SLC16A4: variants seen among roughly 807,000 people sequenced by gnomAD.
The protein encoded by SLC16A4 is solute carrier family 16 member 4.
SLC16A4 carries 39 observed loss-of-function variants against 47.9 expected under a neutral mutation model. The ratio of observed to expected loss-of-function variants is 0.81; its 90% CI spans 0.63 to 1.06. The LOEUF is 1.06. SLC16A4 is among the 50% of genes least tolerant of loss of function. The probability of loss-of-function intolerance (pLI) is 0.00; values close to 1 mark genes in which losing one functional copy is unlikely to be tolerated. For missense variants in SLC16A4, 524 were observed against 573.8 expected (o/e 0.91, Z 0.89); for synonymous variants, 189 against 199.9 (o/e 0.95, Z 0.46).
chr1:110,367,557 G>A (rs1312872279), intron 8 of SLC16A4, among the ~76,000 whole-genome samples: 1 of 152,084 alleles, frequency 6.6e-6, no homozygotes, highest in Non-Finnish European at 1.5e-5. Context: ...AAAGCCAGGT[G>A]TCATGGCACA....
At chr1:110,379,477 G>T in intron 5 of SLC16A4, 121 bp from the exon 6 acceptor site, 1 of 910,084 alleles carries the variant, frequency 1.1e-6, no homozygotes, top group East Asian at 2.6e-5. Flanking sequence ...ACATTACTTT[G>T]TCTCCGATTT....
intron 1 of SLC16A4, 48 bp from the exon 2 acceptor site, chr1:110,389,403 A>G: frequency 2.8e-6 from 3 of 1,088,270 alleles, no homozygotes; most frequent in Non-Finnish European, 4.2e-6. Flanking sequence ...AAACTAATCT[A>G]AACTTTTAAA....
chr1:110,381,562 C>T (rs927313122), intron 4 of SLC16A4, 90 bp downstream of exon 4: 20 of 1,316,866 alleles, frequency 1.5e-5, no homozygotes, highest in Non-Finnish European at 2.1e-5. Flanking sequence ...CTCAAGCGAT[C>T]CACCCACTTT....
intron 2 of SLC16A4, among the ~76,000 whole-genome samples, chr1:110,385,142 A>G (rs140366454): frequency 1.6e-4 from 24 of 152,204 alleles, no homozygotes; most frequent in African/African-American, 5.5e-4. Flanking sequence ...TTTACTCTCA[A>G]GGTTTTAATT....
intron 2 of SLC16A4, among the ~76,000 whole-genome samples, chr1:110,384,098 A>C (rs1662601610): frequency 6.6e-6 from 1 of 152,208 alleles, no homozygotes; most frequent in Non-Finnish European, 1.5e-5. Flanking sequence ...AACCCAGATT[A>C]GACTGACTCT....
intron 2 of SLC16A4, among the ~76,000 whole-genome samples, chr1:110,385,569 CATTT>C (rs1391586153): frequency 1.3e-5 from 2 of 152,178 alleles, no homozygotes; most frequent in Non-Finnish European, 2.9e-5. Context: ...TCCACCCATT[CATTT>C]GAGTGACAGA....
At chr1:110,376,363 G>A (rs1272754986) in intron 7 of SLC16A4, among the ~76,000 whole-genome samples, 1 of 152,184 alleles carries the variant, frequency 6.6e-6, no homozygotes, top group African/African-American at 2.4e-5. Context: ...GTTCCAGCAT[G>A]TTTAGGTCCT....
Position 110,381,139 on chromosome 1 carries a change from C to T in SLC16A4, c.369G>A (p.Leu123=), listed in dbSNP as rs753372046. The change falls in exon 5 of 9, where the codon TTG becomes TTA. Residue 123 remains leucine (L), a synonymous_variant. Transcript: ENST00000369779. ...CCACTTGGTATAAGAAAGCAGAACCCAAACCTAAAAGAAAAACGTAATAGT... is the reference window on the plus strand; with the variant it reads ...CCACTTGGTATAAGAAAGCAGAACCTAAACCTAAAAGAAAAACGTAATAGT... The part of the protein sequence containing the change: ...LCVTMGLLPG[L]GSAFLYQVAA... 1.3e-5 allele frequency: 21 copies of T among 1,613,440 alleles called. No homozygotes were observed. Among genetic ancestry groups the T allele is most frequent in the Non-Finnish European group, 1.7e-5 (20 of 1,179,802 alleles).
chr1:110,382,955 A>G lies in SLC16A4; in HGVS notation c.99T>C (p.Phe33=), dbSNP rs1662498477. Residue 33 remains phenylalanine (F), a synonymous_variant, in exon 3 of 9, where the codon TTT becomes TTC. Coordinates refer to ENST00000369779, the MANE Select transcript of SLC16A4 (RefSeq NM_004696.3). ...CAAAAGTCTTGGTCATCCCCATCACAAACACATTCACCTAAATCAAAGCAG... is the reference window on the plus strand; with the variant it reads ...CAAAAGTCTTGGTCATCCCCATCACGAACACATTCACCTAAATCAAAGCAG... ...IVIHFFLVNV[F]VMGMTKTFAI... 5 of 1,609,390 alleles carry G rather than the reference A, an allele frequency of 3.1e-6. No homozygotes were observed. The highest frequency in any genetic ancestry group is 4.2e-6 in the Non-Finnish European group (5 of 1,176,936).
At position 110,382,845 on chromosome 1, in the gene SLC16A4, C is replaced by T. The variant is rs1240995203; in HGVS notation, c.209G>A (p.Arg70His). 8 of 1,603,378 alleles carry T rather than the reference C, an allele frequency of 5.0e-6. No homozygotes were observed. Among genetic ancestry groups the T allele is most frequent in the African/African-American group, 1.3e-5 (1 of 74,642 alleles). Residue 70 changes from arginine (R) to histidine (H), a missense_variant, in exon 3 of 9, where the codon CGT (arginine) becomes CAT (histidine). Coordinates refer to ENST00000369779, the MANE Select transcript of SLC16A4 (RefSeq NM_004696.3). Reference protein sequence around the residue: ...GWIGSIMSSLRFCAGPLVAII... With the variant: ...GWIGSIMSSLHFCAGPLVAII... ...TGCCAGCTTTATACCTGCACAAAAA[C>T]GAAGAGATGACATGATGGATCCAAT...
At chr1:110,376,894 A>T in intron 7 of SLC16A4, 56 bp downstream of exon 7, 1 of 1,392,972 alleles carries the variant, frequency 7.2e-7, no homozygotes, top group Non-Finnish European at 1.0e-6. Flanking sequence ...GGAGATTGTT[A>T]CTGATACTTG....
intron 3 of SLC16A4, among the ~76,000 whole-genome samples, chr1:110,382,203 T>C (rs1662439915): frequency 6.6e-6 from 1 of 152,198 alleles, no homozygotes; most frequent in African/African-American, 2.4e-5. Context: ...CGTGGCTCTT[T>C]AATCCCATAC....
In SLC16A4 at chr1:110,382,961, A is replaced by G. The variant is rs1662499308; in HGVS notation, c.93T>C (p.Asn31=). ...WMIVIHFFLV[N]VFVMGMTKTF... is the part of the protein sequence containing the mutation. ...TCTTGGTCATCCCCATCACAAACAC[A>G]TTCACCTAAATCAAAGCAGACCAGA... The change falls in exon 3 of 9, where the codon AAT becomes AAC. Residue 31 remains asparagine, a synonymous_variant. Transcript: ENST00000369779. 1 of 1,607,436 alleles carries G rather than the reference A, an allele frequency of 6.2e-7. No homozygotes were observed. Among genetic ancestry groups the G allele is most frequent in the African/African-American group, 1.3e-5 (1 of 74,906 alleles).
Position 110,389,231 on chromosome 1 carries a change from T to C in SLC16A4, c.87+6A>G. The C allele has an allele frequency of 1.2e-6, 2 of 1,612,150 alleles. No homozygotes were observed. Among genetic ancestry groups the C allele is most frequent in the Non-Finnish European group, 1.7e-6 (2 of 1,178,184 alleles). ...ATAGGAAAGGGGGAAAAAAGTGAAT[T>C]CTTACCAGGAAAAAATGAATCACAA... On this transcript the variant is annotated splice_donor_region_variant and intron_variant, in intron 2 of 8. Transcript: ENST00000369779.
At chr1:110,364,742 C>T (rs993995731) in intron 8 of SLC16A4, among the ~76,000 whole-genome samples, 2 of 152,018 alleles carry the variant, frequency 1.3e-5, no homozygotes, top group African/African-American at 4.8e-5. Flanking sequence ...AACTCCTGAC[C>T]TCCAGTGATC....
intron 8 of SLC16A4, among the ~76,000 whole-genome samples, chr1:110,365,414 C>G (rs929882248): frequency 2.6e-5 from 4 of 152,092 alleles, no homozygotes; most frequent in African/African-American, 7.2e-5. Flanking sequence ...TTTTATAGCT[C>G]TGTGTTTCCT....
intron 6 of SLC16A4, among the ~76,000 whole-genome samples, chr1:110,377,362 G>A (rs941439441): frequency 9.2e-5 from 14 of 152,116 alleles, no homozygotes; most frequent in Non-Finnish European, 1.8e-4. Flanking sequence ...AAAAGTCTCC[G>A]CTAGAGTAGT....
In SLC16A4 at chr1:110,363,426, A is replaced by C. The variant is rs1317077151; in HGVS notation, c.*340T>G. 1 of 159,628 alleles carries C rather than the reference A, an allele frequency of 6.3e-6. No homozygotes were observed. The highest frequency in any genetic ancestry group is 6.5e-5 in the Admixed American group (1 of 15,422). The allele number at this position is 159,628 out of a possible 1,614,324, so 9.9% of individuals were successfully genotyped here. A position where few individuals can be genotyped will look rare whatever the true frequency, so the allele number is the denominator to read the frequency against. On this transcript the variant is annotated 3_prime_UTR_variant, in exon 9 of 9. Transcript: ENST00000369779. Reference sequence around the variant, plus strand: ...CGGATCACGAGGTCAGGAGATGGAGACCATCCTGGCTAACATGGTGAAACC... The same window carrying C: ...CGGATCACGAGGTCAGGAGATGGAGCCCATCCTGGCTAACATGGTGAAACC...
At chr1:110,380,565 G>C (rs959962166) in intron 5 of SLC16A4, among the ~76,000 whole-genome samples, 3 of 139,416 alleles carry the variant, frequency 2.2e-5, no homozygotes, top group Non-Finnish European at 3.0e-5. Flanking sequence ...GATGGGGGAG[G>C]AGTTTTTTTA....
Sources: gnomAD v4.1 joint callset for allele counts (sites outside exome capture counted in the v4.1 genomes callset) on GRCh38, gnomAD v4.1.1 for gene constraint, MANE v1.5 for transcripts, NCBI Gene and HGNC (gene_info 2026-07-23, HGNC 2026-07-21) for gene names.